EYS: variants seen among roughly 807,000 people sequenced by gnomAD.
EYS encodes protein eyes shut homolog.
In EYS, 250 loss-of-function variants were observed where a neutral mutation model predicts 282.1. That is an observed-to-expected ratio of 0.89 (90% CI 0.80 to 0.98). The LOEUF is 0.98. EYS is among the 50% of genes least tolerant of loss of function. The pLI is 0.00. For missense variants in EYS, 4,016 were observed against 3,709.0 expected (o/e 1.08, Z -2.15); for synonymous variants, 1,355 against 1,282.9 (o/e 1.06, Z -1.20).
chr6:65,000,137 C>A (rs1471303259), intron 13 of EYS, among the ~76,000 whole-genome samples: 1 of 152,178 alleles, frequency 6.6e-6, no homozygotes, highest in African/African-American at 2.4e-5. Context: ...GACATTCACC[C>A]CTATGCACTG....
intron 15 of EYS, among the ~76,000 whole-genome samples, chr6:64,920,074 C>T (rs1327017876): frequency 1.3e-5 from 2 of 151,556 alleles, no homozygotes; most frequent in Non-Finnish European, 1.5e-5. Flanking sequence ...AGATTAGTTT[C>T]ATTTTTTTTT....
rs35562314 is a variant in EYS at position 64,061,964 on chromosome 6, CAA to C, written c.6725+4372_6725+4373del. 6.3e-3 allele frequency among the ~76,000 whole-genome samples: 780 copies of C among 123,522 alleles called. 8 individuals carry two copies. Among genetic ancestry groups the C allele is most frequent in the African/African-American group, 0.021 (743 of 35,344 alleles). The allele number at this position is 123,522 out of a possible 152,430, so 81.0% of individuals were successfully genotyped here. A position where few individuals can be genotyped will look rare whatever the true frequency, so the allele number is the denominator to read the frequency against. On this transcript the variant is annotated intron_variant, in intron 33 of 42. Transcript: ENST00000503581. Reference sequence around the variant, plus strand: ...CGTGGGCAACAGAGCGAGACTCTTTCAAAAAAAAAAAAAAGTTTTTAGCCATC... The same window carrying C: ...CGTGGGCAACAGAGCGAGACTCTTTCAAAAAAAAAAAAGTTTTTAGCCATC...
intron 33 of EYS, among the ~76,000 whole-genome samples, chr6:64,044,436 C>T (rs1770529448): frequency 6.6e-6 from 1 of 152,238 alleles, no homozygotes; most frequent in South Asian, 2.1e-4. Context: ...AGGCTAAAAT[C>T]AAAATGGCAA....
intron 26 of EYS, among the ~76,000 whole-genome samples, chr6:64,472,302 G>C (rs937447759): frequency 2.0e-5 from 3 of 152,164 alleles, no homozygotes; most frequent in African/African-American, 7.2e-5. Flanking sequence ...GAGCCTCTAT[G>C]GGTCAGTTCT....
intron 12 of EYS, among the ~76,000 whole-genome samples, chr6:65,105,891 T>C (rs534645436): frequency 1.3e-5 from 2 of 151,740 alleles, no homozygotes; most frequent in South Asian, 2.1e-4. Flanking sequence ...TCTTTACTCA[T>C]ATGTAAGGAA....
chr6:63,932,557 A>G (rs1764927812), intron 35 of EYS, among the ~76,000 whole-genome samples: 2 of 152,104 alleles, frequency 1.3e-5, no homozygotes, highest in South Asian at 4.1e-4. Flanking sequence ...ATTTCCTAAT[A>G]TTTGATGTTC....
chr6:65,496,148 G>T (rs1331505578), intron 2 of EYS, 155 bp from the exon 3 acceptor site: 1 of 151,990 alleles, frequency 6.6e-6, no homozygotes, highest in Non-Finnish European at 1.5e-5. Context: ...ATTCTGTTGT[G>T]CAAATGACTA....
At chr6:65,668,120 C>T (rs1228672226) in intron 1 of EYS, among the ~76,000 whole-genome samples, 1 of 151,722 alleles carries the variant, frequency 6.6e-6, no homozygotes, top group Non-Finnish European at 1.5e-5. Context: ...TCCCCTTTGC[C>T]CACTTTATTT....
intron 30 of EYS, among the ~76,000 whole-genome samples, chr6:64,241,889 T>C (rs1374577795): frequency 1.3e-5 from 2 of 152,188 alleles, no homozygotes; most frequent in African/African-American, 4.8e-5. Context: ...TTCTAGTACA[T>C]TTTGTCTTAG....
At chr6:64,175,044 A>C (rs1764586366) in intron 31 of EYS, among the ~76,000 whole-genome samples, 1 of 152,118 alleles carries the variant, frequency 6.6e-6, no homozygotes, top group African/African-American at 2.4e-5. Context: ...CTGAATCTTT[A>C]AGGTTTCTTT....
At chr6:65,094,943 G>A (rs905434426) in intron 12 of EYS, among the ~76,000 whole-genome samples, 6 of 150,878 alleles carry the variant, frequency 4.0e-5, no homozygotes, top group South Asian at 2.1e-4. Flanking sequence ...AGATAAAATT[G>A]ACAAAGCTCT....
intron 22 of EYS, among the ~76,000 whole-genome samples, chr6:64,643,992 A>G (rs1046293879): frequency 2.0e-5 from 3 of 152,246 alleles, no homozygotes; most frequent in Non-Finnish European, 4.4e-5. Flanking sequence ...CCAAAAAGCT[A>G]GTTAATATAT....
At chr6:65,032,042 C>A (rs1363732728) in intron 13 of EYS, among the ~76,000 whole-genome samples, 2 of 151,818 alleles carry the variant, frequency 1.3e-5, no homozygotes, top group Non-Finnish European at 2.9e-5. Flanking sequence ...GGGACATAAC[C>A]ACTGACCCCA....
chr6:64,054,948 G>A (rs3013158), intron 33 of EYS, among the ~76,000 whole-genome samples: 61,283 of 152,004 alleles, frequency 0.4, 14,276 homozygotes, highest in African/African-American at 0.66. Flanking sequence ...TGCTTTAAAC[G>A]TAACAGGCCC....
In EYS at chr6:63,872,899, A is replaced by G. The variant is rs944232461; in HGVS notation, c.7056-8541T>C. ...GGCTCTGTCTCTTGACCAAACCCTG[A>G]GTTATACACAGAAATCCAAGCAGAA... On this transcript the variant is annotated intron_variant, in intron 35 of 42. Coordinates refer to ENST00000503581, the MANE Select transcript of EYS (RefSeq NM_001142800.2). Among the ~76,000 whole-genome samples, 10 of 152,202 alleles carry G rather than the reference A, an allele frequency of 6.6e-5. No individual in the cohort carries two copies. In the South Asian group the frequency reaches 2.1e-3, roughly 32 times the overall value.
chr6:64,881,919 A>G (rs1407825901), intron 19 of EYS, among the ~76,000 whole-genome samples: 1 of 151,882 alleles, frequency 6.6e-6, no homozygotes, highest in African/African-American at 2.4e-5. Flanking sequence ...AAATAAGTTA[A>G]TTAAAAGTAC....
At chr6:64,132,761 C>G (rs1000127822) in intron 31 of EYS, among the ~76,000 whole-genome samples, 1 of 151,406 alleles carries the variant, frequency 6.6e-6, no homozygotes, top group African/African-American at 2.4e-5. Flanking sequence ...AATTTTTATA[C>G]TTTGCAATAA....
chr6:63,940,032 C>T (rs1765186353), intron 35 of EYS, among the ~76,000 whole-genome samples: 1 of 152,182 alleles, frequency 6.6e-6, no homozygotes, highest in Non-Finnish European at 1.5e-5. Flanking sequence ...TGTGACCTAA[C>T]CATTGCTGCA....
At chr6:64,619,892 T>C (rs993232726) in intron 23 of EYS, among the ~76,000 whole-genome samples, 4 of 152,012 alleles carry the variant, frequency 2.6e-5, no homozygotes, top group African/African-American at 9.7e-5. Context: ...AGAGAAATAA[T>C]TTACAACTAC....
Sources: gnomAD v4.1 joint callset for allele counts (sites outside exome capture counted in the v4.1 genomes callset) on GRCh38, gnomAD v4.1.1 for gene constraint, MANE v1.5 for transcripts, NCBI Gene and HGNC (gene_info 2026-07-23, HGNC 2026-07-21) for gene names.